The following GRIK4 variants were observed in gnomAD, a reference collection of about 807,000 sequenced individuals.
GRIK4 encodes glutamate receptor ionotropic, kainate 4.
Under a neutral mutation model 104.9 loss-of-function variants are expected in GRIK4, and 40 were observed. That is an observed-to-expected ratio of 0.38 (90% CI 0.30 to 0.50). The LOEUF is 0.50. GRIK4 is among the 20% of genes least tolerant of loss of function. GRIK4 has a pLI of 0.93. For synonymous variants in GRIK4, 485 were observed against 524.9 expected (o/e 0.92, Z 1.04); for missense variants, 1,047 against 1,308.1 (o/e 0.80, Z 3.08).
At chr11:120,683,955 G>A (rs1950237132) in intron 3 of GRIK4, among the ~76,000 whole-genome samples, 1 of 152,236 alleles carries the variant, frequency 6.6e-6, no homozygotes, top group Non-Finnish European at 1.5e-5. Flanking sequence ...ACACAGACTT[G>A]CAAATAAGTA....
chr11:120,900,663 G>A (rs759970498), intron 12 of GRIK4, among the ~76,000 whole-genome samples: 2 of 152,144 alleles, frequency 1.3e-5, no homozygotes, highest in Admixed American at 6.5e-5. Context: ...TGGCCTCTCC[G>A]AGAAAGGGAG....
rs980342596 is a variant in GRIK4, at chr11:120,903,732, G to A, written c.1273-1558G>A. Among the ~76,000 whole-genome samples, 10 of 152,182 alleles carry A rather than the reference G, an allele frequency of 6.6e-5. No individual in the cohort carries two copies. The highest frequency in any genetic ancestry group is 2.6e-4 in the Admixed American group (4 of 15,286). On this transcript the variant is annotated intron_variant, in intron 12 of 20. Coordinates refer to ENST00000527524, the MANE Select transcript of GRIK4 (RefSeq NM_014619.5). The surrounding 1 kb of genome is among the most constrained non-coding windows in gnomAD (Gnocchi z 4.4). ...TGGGGAAGGAGCTTGGAGGAGAGGC[G>A]ATCTGCCCTCTCTGTGCCTGCCGCC...
At chr11:120,641,568 C>T (rs915779863) in intron 1 of GRIK4, among the ~76,000 whole-genome samples, 20 of 152,180 alleles carry the variant, frequency 1.3e-4, no homozygotes, top group African/African-American at 4.6e-4. Flanking sequence ...TATAGGGTAA[C>T]TTCCTGATGT....
intron 16 of GRIK4, among the ~76,000 whole-genome samples, chr11:120,959,267 A>C (rs1196702391): frequency 6.6e-6 from 1 of 152,170 alleles, no homozygotes; most frequent in Admixed American, 6.5e-5. Flanking sequence ...AGCCAGAACC[A>C]AAACCCAGCT....
chr11:120,954,670 G>A (rs1237603196), intron 15 of GRIK4, among the ~76,000 whole-genome samples: 1 of 151,802 alleles, frequency 6.6e-6, no homozygotes, highest in South Asian at 2.1e-4. Flanking sequence ...GTGTTACGCT[G>A]CCCCTCCTCC....
intron 1 of GRIK4, among the ~76,000 whole-genome samples, chr11:120,627,486 TC>T (rs1298125827): frequency 3.9e-5 from 6 of 152,190 alleles, no homozygotes; most frequent in African/African-American, 7.2e-5. Context: ...TTGTGCTAGC[TC>T]CTTCCAGTTC....
At chr11:120,661,454 G>C (rs187744081) in intron 3 of GRIK4, among the ~76,000 whole-genome samples, 170 of 152,348 alleles carry the variant, frequency 1.1e-3, no homozygotes, top group Middle Eastern at 6.8e-3. Flanking sequence ...TGGGGTTGGG[G>C]GTGGGAGCAA....
chr11:120,593,454 C>T lies in GRIK4; in HGVS notation c.-158-60231C>T, dbSNP rs547490297. Among the ~76,000 whole-genome samples, 6 of 152,252 alleles carry T rather than the reference C, an allele frequency of 3.9e-5. 1 individual carries two copies. Among genetic ancestry groups the T allele is most frequent in the Admixed American group, 3.9e-4 (6 of 15,288 alleles). ...CAGCAGCATTCGACACTTCCCTCCT[C>T]CCTCGAGACACTTTCTCCAGGCTCT... On this transcript the variant is annotated intron_variant, in intron 1 of 20. Coordinates refer to ENST00000527524, the MANE Select transcript of GRIK4 (RefSeq NM_014619.5).
At chr11:120,518,522 C>T (rs1382576171) in intron 1 of GRIK4, among the ~76,000 whole-genome samples, 1 of 152,054 alleles carries the variant, frequency 6.6e-6, no homozygotes, top group African/African-American at 2.4e-5. Flanking sequence ...GGGCCCAAAG[C>T]CCAGGGTGTT....
At chr11:120,731,837 G>C (rs543715738) in intron 3 of GRIK4, among the ~76,000 whole-genome samples, 1 of 151,938 alleles carries the variant, frequency 6.6e-6, no homozygotes, top group Non-Finnish European at 1.5e-5. Context: ...CCAATTTATT[G>C]GTATATAGTT....
chr11:120,988,427 T>A lies in GRIK4; in HGVS notation c.*2167T>A, dbSNP rs1329521216. 1 of 152,168 alleles carries A rather than the reference T, an allele frequency of 6.6e-6. No individual in the cohort carries two copies. Among genetic ancestry groups the A allele is most frequent in the Non-Finnish European group, 1.5e-5 (1 of 68,034 alleles). The allele number at this position is 152,168 out of a possible 1,614,324, so 9.4% of individuals were successfully genotyped here. On this transcript the variant is annotated 3_prime_UTR_variant, in exon 21 of 21. Coordinates refer to ENST00000527524, the MANE Select transcript of GRIK4 (RefSeq NM_014619.5). ...ATTTGGGGCGGGAAGGGTGGTTTTT[T>A]AAAAAAACTCGTTTTTATGAGCAGG...
intron 1 of GRIK4, among the ~76,000 whole-genome samples, chr11:120,626,791 C>G (rs750008358): frequency 1.3e-5 from 2 of 152,218 alleles, no homozygotes; most frequent in Non-Finnish European, 2.9e-5. Flanking sequence ...TGTGCTTTCT[C>G]CCTTGATCAG....
chr11:120,566,333 C>T (rs1948322215), intron 1 of GRIK4, among the ~76,000 whole-genome samples: 1 of 152,130 alleles, frequency 6.6e-6, no homozygotes. Context: ...GGTCATCCAG[C>T]CAGGAAGTGA....
At chr11:120,919,833 G>A (rs1428650264) in intron 13 of GRIK4, among the ~76,000 whole-genome samples, 2 of 152,090 alleles carry the variant, frequency 1.3e-5, no homozygotes, top group African/African-American at 4.8e-5. Flanking sequence ...GGAGGGAGAG[G>A]GAAGACTCCA....
At chr11:120,900,659 C>G (rs796498242) in intron 12 of GRIK4, among the ~76,000 whole-genome samples, 134 of 152,274 alleles carry the variant, frequency 8.8e-4, no homozygotes, top group African/African-American at 3.2e-3. Context: ...AGGGTGGCCT[C>G]TCCGAGAAAG....
intron 1 of GRIK4, among the ~76,000 whole-genome samples, chr11:120,579,899 C>A (rs1948546231): frequency 6.6e-6 from 1 of 152,150 alleles, no homozygotes; most frequent in Non-Finnish European, 1.5e-5. Flanking sequence ...CCCCGGCAGT[C>A]ACACTCCCTC....
At chr11:120,644,650 G>A (rs551528085) in intron 1 of GRIK4, among the ~76,000 whole-genome samples, 31 of 152,308 alleles carry the variant, frequency 2.0e-4, no homozygotes, top group Non-Finnish European at 2.9e-4. Context: ...AGCCAGGCCA[G>A]GAGGAAAGTC....
chr11:120,634,304 C>T (rs573399312), intron 1 of GRIK4, among the ~76,000 whole-genome samples: 1 of 152,284 alleles, frequency 6.6e-6, no homozygotes, highest in African/African-American at 2.4e-5. Flanking sequence ...TGCTGAGACC[C>T]TACTCAGTGC....
rs1256680563 is a variant in GRIK4, at chr11:120,940,477, A to T, written c.1590+17A>T. 7.4e-7 allele frequency: 1 copy of T among 1,352,066 alleles called. No homozygotes were observed. The highest frequency in any genetic ancestry group is 2.3e-5 in the East Asian group (1 of 43,690). The allele number at this position is 1,352,066 out of a possible 1,614,324, so 83.8% of individuals were successfully genotyped here. On this transcript the variant is annotated intron_variant, in intron 14 of 20. Coordinates refer to ENST00000527524, the MANE Select transcript of GRIK4 (RefSeq NM_014619.5). The surrounding 1 kb of genome is among the most constrained non-coding windows in gnomAD (Gnocchi z 4.3). Reference sequence around the variant, plus strand: ...GTTCATATGGTAAGAGACTTATTTTATAAGCATTTATGTCATTAAAGTTAT... The same window carrying T: ...GTTCATATGGTAAGAGACTTATTTTTTAAGCATTTATGTCATTAAAGTTAT...
Sources: gnomAD v4.1 joint callset for allele counts (sites outside exome capture counted in the v4.1 genomes callset) on GRCh38, gnomAD v4.1.1 for gene constraint, Gnocchi (gnomAD v3.1) non-coding constraint, MANE v1.5 for transcripts, NCBI Gene and HGNC (gene_info 2026-07-23, HGNC 2026-07-21) for gene names.